The following MREG variants were observed in gnomAD, a reference collection of about 807,000 sequenced individuals.
MREG encodes melanoregulin, also known as dilute suppressor protein homolog.
A neutral mutation model predicts 28.5 loss-of-function variants in MREG; 31 were observed. That is an observed-to-expected ratio of 1.09 (90% CI 0.82 to 1.47). MREG has a LOEUF of 1.47. Ranked by LOEUF, MREG falls within the 40% of genes most tolerant of loss-of-function variation. The pLI is 0.00. For synonymous variants in MREG, 106 were observed against 95.2 expected (o/e 1.11, Z -0.66); for missense variants, 256 against 257.4 (o/e 0.99, Z 0.04).
At chr2:215,960,330 G>A (rs754703193) in intron 2 of MREG, among the ~76,000 whole-genome samples, 14 of 152,136 alleles carry the variant, frequency 9.2e-5, no homozygotes, top group Non-Finnish European at 1.5e-4. Context: ...CACAAGAACC[G>A]GGATTCGCCC....
chr2:215,975,008 T>TTATAGATATATATATATATATATATA (rs1693212743), intron 2 of MREG, among the ~76,000 whole-genome samples: 1 of 106,608 alleles, frequency 9.4e-6, no homozygotes, highest in Non-Finnish European at 1.9e-5. Flanking sequence ...TTTATATGAA[T>TTATAGATATATATATATATATATATA]TATATATATA....
At chr2:215,998,628 A>G (rs138243606) in intron 1 of MREG, among the ~76,000 whole-genome samples, 1 of 152,320 alleles carries the variant, frequency 6.6e-6, no homozygotes, top group Admixed American at 6.5e-5. Context: ...GATTAATACC[A>G]CAAAAGCTAG....
chr2:215,955,597 G>C (rs958158632), intron 2 of MREG, among the ~76,000 whole-genome samples: 2 of 152,190 alleles, frequency 1.3e-5, no homozygotes, highest in African/African-American at 4.8e-5. Context: ...TGAATTCTTT[G>C]AATACGATGA....
chr2:216,024,221 C>A (rs1694562168), intron 1 of MREG, among the ~76,000 whole-genome samples: 1 of 152,076 alleles, frequency 6.6e-6, no homozygotes, highest in African/African-American at 2.4e-5. Context: ...TCACTCACAT[C>A]TTTCCTATGT....
chr2:216,024,612 G>A (rs1283630983), intron 1 of MREG, among the ~76,000 whole-genome samples: 1 of 152,060 alleles, frequency 6.6e-6, no homozygotes, highest in Admixed American at 6.5e-5. Flanking sequence ...GGTGGCTCAT[G>A]CCTATAATCC....
chr2:215,994,548 A>G lies in MREG; in HGVS notation c.255+1758T>C, dbSNP rs1030990320. ...TTCTGCAGATGTATCCCAGAACTTA[A>G]AGTATAATTTTAAAAAAAAAGAGGG... On this transcript the variant is annotated intron_variant, in intron 2 of 4. Transcript: ENST00000263268. Among the ~76,000 whole-genome samples, 2 of 122,614 alleles carry G rather than the reference A, an allele frequency of 1.6e-5. 1 individual carries two copies. The highest frequency in any genetic ancestry group is 8.4e-5 in the African/African-American group (2 of 23,950). 80.4% of individuals were successfully genotyped at this position (122,614 alleles called of 152,430 possible). A position where few individuals can be genotyped will look rare whatever the true frequency, so the allele number is the denominator to read the frequency against.
rs546856390 is a variant in MREG, at chr2:216,013,079, A to G, written c.95+154T>C. On this transcript the variant is annotated intron_variant, in intron 1 of 4. Transcript: ENST00000263268. ...CTTACTCAAGGAACAAACCCAAAAC[A>G]TCCCATAAGGAACCAAGGGGCTGAG... is the stretch of plus-strand genomic sequence containing the variant. 2.6e-5 allele frequency among the ~76,000 whole-genome samples: 4 copies of G among 152,258 alleles called. No individual in the cohort carries two copies. The East Asian group carries it at 7.7e-4, about 29-fold the overall frequency.
At chr2:215,974,109 A>C (rs1693177739) in intron 2 of MREG, among the ~76,000 whole-genome samples, 1 of 152,138 alleles carries the variant, frequency 6.6e-6, no homozygotes, top group African/African-American at 2.4e-5. Context: ...CAATTATTTC[A>C]AGAGGGTGTG....
At chr2:215,979,490 AT>A (rs1693358914) in intron 2 of MREG, among the ~76,000 whole-genome samples, 2 of 147,526 alleles carry the variant, frequency 1.4e-5, no homozygotes, top group African/African-American at 5.0e-5. Flanking sequence ...AATAATAATA[AT>A]AATAATAATA....
At position 215,961,401 on chromosome 2, in the gene MREG, T is replaced by C. The variant is rs577339874; in HGVS notation, c.256-14288A>G. Among the ~76,000 whole-genome samples the C allele has an allele frequency of 1.8e-4, 27 of 152,150 alleles. 1 individual carries two copies. The South Asian group carries it at 3.1e-3, about 18-fold the overall frequency. On this transcript the variant is annotated intron_variant, in intron 2 of 4. Coordinates refer to ENST00000263268, the MANE Select transcript of MREG (RefSeq NM_018000.3). ...AGTGAGATGAGAACTAGCTTCTAGG[T>C]ATCAGATTCACATGCAGGCCCCCCG...
intron 2 of MREG, among the ~76,000 whole-genome samples, chr2:215,947,887 G>A (rs1030878939): frequency 6.6e-6 from 1 of 152,196 alleles, no homozygotes; most frequent in African/African-American, 2.4e-5. Flanking sequence ...TCTTTTAGGA[G>A]CATTGGGGTC....
chr2:216,018,398 G>A (rs878219), upstream of MREG, among the ~76,000 whole-genome samples: 20,873 of 152,090 alleles, frequency 0.14, 1,744 homozygotes, highest in South Asian at 0.22. Context: ...CTTGCCATAC[G>A]ACAACATCTA....
At chr2:216,019,300 G>T (rs1382620376) in intron 1 of MREG, among the ~76,000 whole-genome samples, 1 of 152,130 alleles carries the variant, frequency 6.6e-6, no homozygotes, top group Non-Finnish European at 1.5e-5. Flanking sequence ...ATTGTGATGA[G>T]AGAGCGAGCT....
intron 1 of MREG, among the ~76,000 whole-genome samples, chr2:216,000,378 G>A (rs1693985836): frequency 6.6e-6 from 1 of 152,036 alleles, no homozygotes; most frequent in Non-Finnish European, 1.5e-5. Flanking sequence ...CTACCTGTGT[G>A]GATGCTCCCT....
intron 1 of MREG, chr2:216,032,779 T>C (rs565990926): frequency 1.3e-4 from 20 of 152,386 alleles, no homozygotes; most frequent in African/African-American, 4.3e-4. Context: ...CTAGTTTTGA[T>C]GTAGCATACC....
At chr2:215,968,559 G>C (rs1425186733) in intron 2 of MREG, among the ~76,000 whole-genome samples, 2 of 152,012 alleles carry the variant, frequency 1.3e-5, no homozygotes, top group African/African-American at 4.8e-5. Context: ...CTCAGTTCTA[G>C]CACTCCCCTC....
chr2:216,000,288 C>T (rs2106021623), intron 1 of MREG, among the ~76,000 whole-genome samples: 1 of 152,210 alleles, frequency 6.6e-6, no homozygotes, highest in East Asian at 1.9e-4. Context: ...GTGGGGATCT[C>T]GGAGGAGCCA....
chr2:216,030,057 A>G (rs544113169), intron 1 of MREG, among the ~76,000 whole-genome samples: 247 of 152,308 alleles, frequency 1.6e-3, no homozygotes, highest in Middle Eastern at 0.01. Flanking sequence ...CCACCTTAAA[A>G]TTACTGCTTG....
chr2:216,031,508 AAAGG>A (rs201068608), intron 1 of MREG, among the ~76,000 whole-genome samples: 38 of 122,458 alleles, frequency 3.1e-4, no homozygotes, highest in African/African-American at 1.1e-3. Flanking sequence ...AGAAAGAGAG[AAAGG>A]AAGGAAGGGA....
Sources: allele counts gnomAD v4.1 joint callset (sites outside exome capture counted in the v4.1 genomes callset), GRCh38; gene constraint gnomAD v4.1.1; transcripts MANE v1.5; gene names NCBI Gene and HGNC (gene_info 2026-07-23, HGNC 2026-07-21).